Variants in STXBP5 observed in about 807,000 individuals in gnomAD.
STXBP5 encodes syntaxin-binding protein 5.
Under a neutral mutation model 152.4 loss-of-function variants are expected in STXBP5, and 50 were observed. The observed-to-expected ratio is 0.33, with a 90% CI of 0.26 to 0.42. The LOEUF (loss-of-function observed/expected upper bound fraction) is 0.42. Among genes scored for constraint, STXBP5 ranks in the 10% least tolerant of loss-of-function variants. The pLI is 1.00. For missense variants in STXBP5, 1,167 were observed against 1,388.6 expected (o/e 0.84, Z 2.54); for synonymous variants, 492 against 494.7 (o/e 0.99, Z 0.07).
At chr6:147,364,958 A>G (rs775783982) in intron 25 of STXBP5, among the ~76,000 whole-genome samples, 1 of 152,212 alleles carries the variant, frequency 6.6e-6, no homozygotes. Context: ...CTTGCTAACT[A>G]TACAATTATG....
chr6:147,339,416 A>G (rs746595486), intron 21 of STXBP5, 32 bp downstream of exon 21: 2 of 1,452,580 alleles, frequency 1.4e-6, no homozygotes, highest in Admixed American at 3.0e-5. Context: ...TTTGTTTCTA[A>G]TCCTTGCTAT....
chr6:147,343,888 A>G (rs370498462), intron 21 of STXBP5, among the ~76,000 whole-genome samples: 17 of 152,306 alleles, frequency 1.1e-4, no homozygotes, highest in Middle Eastern at 3.4e-3. Context: ...TTTATATTCA[A>G]TCCACAAGAT....
At position 147,363,683 on chromosome 6, in the gene STXBP5, A is replaced by G. The variant is rs146074378; in HGVS notation, c.2894A>G (p.Asn965Ser). 4.8e-5 allele frequency: 78 copies of G among 1,611,872 alleles called. No homozygotes were observed. The highest frequency in any genetic ancestry group is 6.1e-5 in the Non-Finnish European group (72 of 1,179,318). The change falls in exon 24 of 28, where the codon AAT becomes AGT. Residue 965 changes from asparagine to serine, a missense_variant. Asn to Ser is a conservative substitution (Grantham distance 46). Transcript: ENST00000321680. The part of the protein sequence containing the change: ...NSICLACFCA[N>S]GHIMTFSLPS... Reference sequence around the variant, plus strand: ...ATCTGCCTTGCCTGTTTCTGTGCCAATGGACATATAATGACTTTTAGGTAA... The same window carrying G: ...ATCTGCCTTGCCTGTTTCTGTGCCAGTGGACATATAATGACTTTTAGGTAA...
chr6:147,319,663 G>A (rs763707369), intron 16 of STXBP5, among the ~76,000 whole-genome samples: 4 of 151,980 alleles, frequency 2.6e-5, no homozygotes, highest in Non-Finnish European at 4.4e-5. Flanking sequence ...TCAGATAGAG[G>A]TAAACTGCCC....
At position 147,280,407 on chromosome 6, in the gene STXBP5, C is replaced by T. The variant is rs555158032; in HGVS notation, c.838+2203C>T. Among the ~76,000 whole-genome samples, 3 of 152,160 alleles carry T rather than the reference C, an allele frequency of 2.0e-5. No homozygotes were observed. The East Asian group carries it at 5.8e-4, about 29-fold the overall frequency. On this transcript the variant is annotated intron_variant, in intron 8 of 27. Transcript: ENST00000321680. ...ATTAGTGGTATCTCATATCCTGATC[C>T]TTTGGTTAAAGTTCTGTCTTCTGCT...
chr6:147,284,171 T>C (rs2128345657), intron 8 of STXBP5, among the ~76,000 whole-genome samples: 1 of 152,320 alleles, frequency 6.6e-6, no homozygotes, highest in South Asian at 2.1e-4. Context: ...TTGGACTAGA[T>C]ACATTTTACG....
Position 147,382,787 on chromosome 6 carries a change from C to T in STXBP5, c.3203C>T (p.Ser1068Leu), listed in dbSNP as rs1786153239. 1.9e-6 allele frequency: 3 copies of T among 1,613,108 alleles called. No homozygotes were observed. The highest frequency in any genetic ancestry group is 2.2e-5 in the East Asian group (1 of 44,848). ...TATCAAATGTGTTCAGTTGGAGAATCGTCCTCAGGAAAGGCTTCAAGGAGC... is the reference window on the plus strand; with the variant it reads ...TATCAAATGTGTTCAGTTGGAGAATTGTCCTCAGGAAAGGCTTCAAGGAGC... ...SLDREELFGE[S>L]SSGKASRSLA... The change falls in exon 27 of 28, where the codon TCG (serine) becomes TTG (leucine). Residue 1068 changes from serine to leucine, a missense_variant. By Grantham distance (145) the Ser-to-Leu change is moderately radical. This residue lies in a region of STXBP5 where 833 missense variants were observed against 986.3 expected (regional missense o/e 0.84). Transcript: ENST00000321680.
At chr6:147,284,400 C>T (rs9485160) in intron 8 of STXBP5, among the ~76,000 whole-genome samples, 2,531 of 152,212 alleles carry the variant, frequency 0.017, 58 homozygotes, top group African/African-American at 0.057. Flanking sequence ...AAACATTGAG[C>T]ACCTCCTACC....
At chr6:147,261,801 A>G (rs1299994245) in intron 5 of STXBP5, among the ~76,000 whole-genome samples, 3 of 151,950 alleles carry the variant, frequency 2.0e-5, no homozygotes, top group Non-Finnish European at 4.4e-5. Flanking sequence ...TTTTTACTCT[A>G]TAGGCATCAG....
At chr6:147,347,471 T>G (rs1784391192) in intron 21 of STXBP5, among the ~76,000 whole-genome samples, 2 of 152,232 alleles carry the variant, frequency 1.3e-5, no homozygotes. Context: ...AAGACTGATG[T>G]TGATCTTTAA....
intron 14 of STXBP5, among the ~76,000 whole-genome samples, chr6:147,315,037 A>C (rs1414662871): frequency 9.1e-6 from 1 of 109,472 alleles, no homozygotes; most frequent in Non-Finnish European, 1.8e-5. Flanking sequence ...AAAAAGAAAT[A>C]ATGCCTTTAA....
intron 16 of STXBP5, among the ~76,000 whole-genome samples, chr6:147,320,552 A>AGTGT (rs71552971): frequency 0.16 from 13,731 of 84,762 alleles, 755 homozygotes; most frequent in East Asian, 0.28. Flanking sequence ...TGCTAATTTG[A>AGTGT]GTGTGTGTGT....
intron 7 of STXBP5, among the ~76,000 whole-genome samples, chr6:147,269,023 G>A (rs549503576): frequency 6.6e-5 from 10 of 152,272 alleles, no homozygotes; most frequent in African/African-American, 2.4e-4. Flanking sequence ...AGCTTAGAAG[G>A]CAAGGTATTA....
chr6:147,237,977 G>A (rs562689940), intron 3 of STXBP5, among the ~76,000 whole-genome samples: 4 of 152,218 alleles, frequency 2.6e-5, no homozygotes, highest in African/African-American at 9.6e-5. Flanking sequence ...TAATAAATCA[G>A]CTCTAGTCTA....
chr6:147,260,432 C>G (rs966622591), intron 4 of STXBP5, among the ~76,000 whole-genome samples, 183 bp from the exon 5 acceptor site: 5 of 151,962 alleles, frequency 3.3e-5, no homozygotes, highest in African/African-American at 9.7e-5. Flanking sequence ...GCTGTAAGGC[C>G]TTATGTTTGA....
chr6:147,213,558 C>G (rs1225762169), intron 2 of STXBP5, among the ~76,000 whole-genome samples: 1 of 151,084 alleles, frequency 6.6e-6, no homozygotes, highest in Non-Finnish European at 1.5e-5. Flanking sequence ...GTTGCTGAGG[C>G]TGGTCCCCTG....
intron 7 of STXBP5, among the ~76,000 whole-genome samples, chr6:147,276,159 G>A (rs1017612052): frequency 3.3e-5 from 5 of 152,218 alleles, no homozygotes; most frequent in Admixed American, 2.0e-4. Context: ...GGTAGATACT[G>A]TATACATATT....
Position 147,267,110 on chromosome 6 carries a change from A to G in STXBP5, c.657A>G (p.Thr219=), listed in dbSNP as rs763927474. Residue 219 remains threonine (T), a synonymous_variant, in exon 7 of 28, where the codon ACA becomes ACG. Coordinates refer to ENST00000321680, the MANE Select transcript of STXBP5 (RefSeq NM_001127715.4). The part of the protein sequence containing the change: ...GKLLIGFESG[T]VVLWDLKSKK... ...TTTTGATTGGCTTTGAATCTGGAAC[A>G]GTAGTTTTATGGGACCTCAAATCAA... 6.2e-7 allele frequency: 1 copy of G among 1,611,600 alleles called. No individual in the cohort carries two copies. The highest frequency in any genetic ancestry group is 8.5e-7 in the Non-Finnish European group (1 of 1,179,086).
chr6:147,318,448 C>G (rs1782751516), intron 16 of STXBP5, among the ~76,000 whole-genome samples: 1 of 152,056 alleles, frequency 6.6e-6, no homozygotes, highest in Non-Finnish European at 1.5e-5. Context: ...ACAACAGTAC[C>G]CAAATCCATT....
Sources: allele counts gnomAD v4.1 joint callset (sites outside exome capture counted in the v4.1 genomes callset), GRCh38; gene constraint gnomAD v4.1.1; regional missense constraint gnomAD v4.1.1; transcripts MANE v1.5; gene names NCBI Gene and HGNC (gene_info 2026-07-23, HGNC 2026-07-21).